PLSCR2: variants seen among roughly 807,000 people sequenced by gnomAD.
PLSCR2 encodes the protein phospholipid scramblase 2, also known as PL scramblase 2.
A neutral mutation model predicts 25.3 loss-of-function variants in PLSCR2; 18 were observed. The ratio of observed to expected loss-of-function variants is 0.71; its 90% CI spans 0.49 to 1.06. The LOEUF is 1.06. PLSCR2 is among the 50% of genes least tolerant of loss of function. PLSCR2 has a pLI of 0.00. For synonymous variants in PLSCR2, 88 were observed against 87.3 expected (o/e 1.01, Z -0.04); for missense variants, 243 against 269.5 (o/e 0.90, Z 0.69).
In PLSCR2 at chr3:146,469,482, G is replaced by A. The variant is rs1055783179; in HGVS notation, c.-292-9198C>T. 8.6e-5 allele frequency: 84 copies of A among 980,668 alleles called. No individual in the cohort carries two copies. Among genetic ancestry groups the A allele is most frequent in the Non-Finnish European group, 9.9e-5 (82 of 825,734 alleles). 60.7% of individuals were successfully genotyped at this position (980,668 alleles called of 1,614,324 possible). A position where few individuals can be genotyped will look rare whatever the true frequency, so the allele number is the denominator to read the frequency against. On this transcript the variant is annotated intron_variant, in intron 1 of 8. Coordinates refer to the PLSCR2 transcript ENST00000336685. ...GTCCCATAGGGAGGCGACTGAGAAAGCCGCCCCCTTACCCGTGGCTGCAGC... is the reference window on the plus strand; with the variant it reads ...GTCCCATAGGGAGGCGACTGAGAAAACCGCCCCCTTACCCGTGGCTGCAGC...
downstream of PLSCR2, among the ~76,000 whole-genome samples, chr3:146,440,262 T>C (rs2040152542): frequency 6.6e-6 from 1 of 152,190 alleles, no homozygotes; most frequent in Non-Finnish European, 1.5e-5. Flanking sequence ...TTCTCAGATC[T>C]CAAACTCTGT....
intron 1 of PLSCR2, among the ~76,000 whole-genome samples, chr3:146,473,371 C>G (rs1159718396): frequency 6.9e-6 from 1 of 145,778 alleles, no homozygotes; most frequent in Non-Finnish European, 1.5e-5. Context: ...ATGGCACGAT[C>G]TCAGCTCACT....
At chr3:146,487,666 A>C (rs1273008051) in intron 1 of PLSCR2, among the ~76,000 whole-genome samples, 1 of 152,138 alleles carries the variant, frequency 6.6e-6, no homozygotes, top group Non-Finnish European at 1.5e-5. Flanking sequence ...TCAAGGAAAT[A>C]AGAGAAGACA....
chr3:146,423,361 A>G (rs964989981), intron 2 of PLSCR2, among the ~76,000 whole-genome samples: 1 of 151,242 alleles, frequency 6.6e-6, no homozygotes, highest in African/African-American at 2.4e-5. Flanking sequence ...TAAAATTGAT[A>G]ACCTTTTCTA....
chr3:146,460,830 G>A (rs1275388054), upstream of PLSCR2, among the ~76,000 whole-genome samples: 2 of 152,164 alleles, frequency 1.3e-5, no homozygotes, highest in African/African-American at 4.8e-5. Context: ...CTGGGCCAAT[G>A]GGTTACGAGG....
intron 1 of PLSCR2, among the ~76,000 whole-genome samples, chr3:146,477,604 A>C (rs1004908837): frequency 1.8e-4 from 27 of 152,330 alleles, no homozygotes; most frequent in African/African-American, 6.5e-4. Context: ...GACAGAGCCC[A>C]CCACAGCTCA....
intron 2 of PLSCR2, among the ~76,000 whole-genome samples, chr3:146,423,261 CT>C (rs2039216400): frequency 1.4e-5 from 2 of 145,540 alleles, no homozygotes; most frequent in South Asian, 2.4e-4. Context: ...CTCTCTCTCT[CT>C]CTCTCTCTCT....
rs1317781360 is a variant in PLSCR2 at position 146,455,230 on chromosome 3, C to A, written c.321+9G>T. 3 of 1,585,406 alleles carry A rather than the reference C, an allele frequency of 1.9e-6. No individual in the cohort carries two copies. Among genetic ancestry groups the A allele is most frequent in the South Asian group, 1.1e-5 (1 of 90,448 alleles). On this transcript the variant is annotated intron_variant, in intron 4 of 6. Coordinates refer to ENST00000610787, the Ensembl canonical transcript of PLSCR2. ...ACTTTATGAAAAGCTCTAGTAATTG[C>A]TCACATACCTCCTGAAGGCAGCAGG...
downstream of PLSCR2, chr3:146,441,690 A>T: frequency 2.6e-6 from 2 of 775,836 alleles, no homozygotes; most frequent in South Asian, 3.4e-5. Flanking sequence ...AGAAAAGAAA[A>T]AAACACTGAA....
At chr3:146,420,464 T>C (rs948275848) in intron 2 of PLSCR2, among the ~76,000 whole-genome samples, 1 of 152,042 alleles carries the variant, frequency 6.6e-6, no homozygotes, top group Non-Finnish European at 1.5e-5. Flanking sequence ...TATAAATATA[T>C]GTGTTTTTAA....
intron 2 of PLSCR2, among the ~76,000 whole-genome samples, chr3:146,415,453 T>A (rs1173598552): frequency 6.6e-6 from 1 of 152,042 alleles, no homozygotes; most frequent in Non-Finnish European, 1.5e-5. Flanking sequence ...TAACAAAAAA[T>A]TTAAAGTACA....
At chr3:146,487,661 G>A (rs2043394808) in intron 1 of PLSCR2, among the ~76,000 whole-genome samples, 1 of 152,086 alleles carries the variant, frequency 6.6e-6, no homozygotes, top group South Asian at 2.1e-4. Flanking sequence ...ATTGCTCAAG[G>A]AAATAAGAGA....
chr3:146,433,894 C>T (rs2039659330), intron 8 of PLSCR2, among the ~76,000 whole-genome samples: 2 of 152,132 alleles, frequency 1.3e-5, no homozygotes, highest in African/African-American at 4.8e-5. Flanking sequence ...GGTGGTAACA[C>T]TTATGGGGAG....
At chr3:146,452,945 T>A (rs1048328200) in intron 5 of PLSCR2, among the ~76,000 whole-genome samples, 1 of 151,878 alleles carries the variant, frequency 6.6e-6, no homozygotes, top group Admixed American at 6.6e-5. Flanking sequence ...TTATCATATA[T>A]TTTATATACA....
At chr3:146,473,550 C>T (rs1286412178) in intron 1 of PLSCR2, among the ~76,000 whole-genome samples, 1 of 152,082 alleles carries the variant, frequency 6.6e-6, no homozygotes, top group Non-Finnish European at 1.5e-5. Context: ...AGGTGATCCA[C>T]CCACCTCGAC....
intron 6 of PLSCR2, among the ~76,000 whole-genome samples, chr3:146,446,022 A>G (rs558668067): frequency 7.2e-5 from 11 of 152,098 alleles, no homozygotes; most frequent in Non-Finnish European, 1.2e-4. Flanking sequence ...TATCTGTTAA[A>G]GTTATCGGAT....
chr3:146,407,682 G>C lies in PLSCR2; in HGVS notation c.101-11761C>G, dbSNP rs374689601. Reference sequence around the variant, plus strand: ...CATGCACAGTAGCAAAGCCGTACCTGGTGTCAGTGTAAACGTTAATATGTT... The same window carrying C: ...CATGCACAGTAGCAAAGCCGTACCTCGTGTCAGTGTAAACGTTAATATGTT... On this transcript the variant is annotated intron_variant and NMD_transcript_variant, in intron 2 of 3. Coordinates refer to the PLSCR2 transcript ENST00000463633. Among the ~76,000 whole-genome samples, 19 of 152,260 alleles carry C rather than the reference G, an allele frequency of 1.2e-4. No individual in the cohort carries two copies. The South Asian group carries it at 3.7e-3, about 30-fold the overall frequency.
At chr3:146,413,222 T>A (rs1209617226) in intron 2 of PLSCR2, among the ~76,000 whole-genome samples, 1 of 152,106 alleles carries the variant, frequency 6.6e-6, no homozygotes, top group East Asian at 1.9e-4. Flanking sequence ...CTCTCTGAAA[T>A]GCCTTCAAGG....
rs1264177627 is a variant in PLSCR2, at chr3:146,408,296, C to T, written c.101-12375G>A. Among the ~76,000 whole-genome samples, 5 of 152,174 alleles carry T rather than the reference C, an allele frequency of 3.3e-5. No homozygotes were observed. The East Asian group carries it at 5.8e-4, about 18-fold the overall frequency. On this transcript the variant is annotated intron_variant and NMD_transcript_variant, in intron 2 of 3. Transcript: ENST00000463633. The stretch of plus-strand genomic sequence containing the variant: ...GCCTTTTTAGCAACTCCTTGGCTTT[C>T]GTGGACAAACAGGTGAAACGGCTTT...
Sources: gnomAD v4.1 joint callset for allele counts (sites outside exome capture counted in the v4.1 genomes callset) on GRCh38, gnomAD v4.1.1 for gene constraint, MANE v1.5 for transcripts, NCBI Gene and HGNC (gene_info 2026-07-23, HGNC 2026-07-21) for gene names.